Variants in OSBPL8 observed in about 807,000 individuals in gnomAD.
The protein encoded by OSBPL8 is oxysterol-binding protein-related protein 8.
OSBPL8 carries 59 observed loss-of-function variants against 125.5 expected under a neutral mutation model. The ratio of observed to expected loss-of-function variants is 0.47; its 90% CI spans 0.38 to 0.58. The LOEUF (loss-of-function observed/expected upper bound fraction) is 0.58. Among genes scored for constraint, OSBPL8 ranks in the 20% least tolerant of loss-of-function variants. The pLI is 0.00. For synonymous variants in OSBPL8, 330 were observed against 338.9 expected (o/e 0.97, Z 0.29); for missense variants, 758 against 1,047.8 (o/e 0.72, Z 3.82).
chr12:76,507,807 GAGCA>G (rs1176743261), intron 1 of OSBPL8, among the ~76,000 whole-genome samples: 1 of 151,494 alleles, frequency 6.6e-6, no homozygotes, highest in Non-Finnish European at 1.5e-5. Context: ...CTGGGCAACA[GAGCA>G]AGACTCAATC....
intron 2 of OSBPL8, among the ~76,000 whole-genome samples, chr12:76,462,318 A>C (rs1173358726): frequency 6.6e-6 from 1 of 152,184 alleles, no homozygotes; most frequent in African/African-American, 2.4e-5. Context: ...CAACTACTAA[A>C]TATTTGCTCC....
At chr12:76,521,745 C>G (rs563848265) in intron 1 of OSBPL8, among the ~76,000 whole-genome samples, 1 of 152,102 alleles carries the variant, frequency 6.6e-6, no homozygotes, top group South Asian at 2.1e-4. Context: ...CTACAATAGC[C>G]AAAATTGTAG....
rs562324822 is a variant in OSBPL8 at position 76,550,353 on chromosome 12, C to A, written c.-68+9044G>T. Among the ~76,000 whole-genome samples the A allele has an allele frequency of 2.0e-5, 3 of 152,264 alleles. No homozygotes were observed. The East Asian group carries it at 5.8e-4, about 29-fold the overall frequency. On this transcript the variant is annotated intron_variant, in intron 1 of 23. Coordinates refer to ENST00000261183, the MANE Select transcript of OSBPL8 (RefSeq NM_020841.5). ...CAGAAAAGGAATAATCATCTAAGCA[C>A]ATTATCTGGCTTAGCATTAAATAAT...
chr12:76,529,924 GC>G (rs1429294653), intron 1 of OSBPL8, among the ~76,000 whole-genome samples: 1 of 152,112 alleles, frequency 6.6e-6, no homozygotes, highest in Non-Finnish European at 1.5e-5. Flanking sequence ...TTTCACTATA[GC>G]CCCATTTTCA....
At chr12:76,530,297 A>G (rs1215904110) in intron 1 of OSBPL8, among the ~76,000 whole-genome samples, 1 of 147,818 alleles carries the variant, frequency 6.8e-6, no homozygotes, top group African/African-American at 2.5e-5. Flanking sequence ...GCCTCAAGCA[A>G]TCCTCCCTCC....
intron 21 of OSBPL8, 129 bp downstream of exon 21, chr12:76,369,085 A>T: frequency 8.2e-7 from 1 of 1,214,816 alleles, no homozygotes; most frequent in Middle Eastern, 3.1e-4. Context: ...TGGGGTAAGA[A>T]GAGTTCAGAG....
At chr12:76,367,066 C>T (rs185130779) in intron 21 of OSBPL8, among the ~76,000 whole-genome samples, 132 of 152,280 alleles carry the variant, frequency 8.7e-4, no homozygotes, top group African/African-American at 3.1e-3. Context: ...AGTTGGTTTA[C>T]AGTGTGGTTC....
At chr12:76,511,841 G>A (rs1881030386) in intron 1 of OSBPL8, among the ~76,000 whole-genome samples, 1 of 151,988 alleles carries the variant, frequency 6.6e-6, no homozygotes, top group Non-Finnish European at 1.5e-5. Flanking sequence ...CGTCTGCCAG[G>A]GTTTATAGTT....
At chr12:76,529,640 A>C (rs1950279177) in intron 1 of OSBPL8, among the ~76,000 whole-genome samples, 1 of 152,190 alleles carries the variant, frequency 6.6e-6, no homozygotes, top group Non-Finnish European at 1.5e-5. Context: ...AAAACTGAAG[A>C]AGCTAGTGGG....
intron 2 of OSBPL8, among the ~76,000 whole-genome samples, chr12:76,466,514 G>A (rs915455739): frequency 3.9e-5 from 6 of 152,164 alleles, no homozygotes; most frequent in South Asian, 2.1e-4. Flanking sequence ...ATTTTCTTGG[G>A]AGTGATTTAA....
At chr12:76,384,396 G>A in intron 14 of OSBPL8, 46 bp from the exon 15 acceptor site, 1 of 1,054,280 alleles carries the variant, frequency 9.5e-7, no homozygotes, top group Non-Finnish European at 1.3e-6. Context: ...ATAAAAACAT[G>A]TTTATATAAA....
At chr12:76,540,841 G>A (rs1253060057) in intron 1 of OSBPL8, among the ~76,000 whole-genome samples, 2 of 151,924 alleles carry the variant, frequency 1.3e-5, no homozygotes, top group African/African-American at 4.8e-5. Flanking sequence ...CATCAAATGT[G>A]GTCTTCCCTT....
intron 2 of OSBPL8, among the ~76,000 whole-genome samples, chr12:76,477,539 G>A (rs1876957207): frequency 6.6e-6 from 1 of 151,952 alleles, no homozygotes; most frequent in Non-Finnish European, 1.5e-5. Flanking sequence ...AACAGTCAAG[G>A]TTCATTCAAA....
At chr12:76,535,965 TG>T (rs1225966081) in intron 1 of OSBPL8, among the ~76,000 whole-genome samples, 1 of 149,016 alleles carries the variant, frequency 6.7e-6, no homozygotes, top group Non-Finnish European at 1.5e-5. Flanking sequence ...AGCAGTAACA[TG>T]GGTGTATACA....
chr12:76,460,777 T>C lies in OSBPL8; in HGVS notation c.43-882A>G, dbSNP rs144936489. On this transcript the variant is annotated intron_variant, in intron 2 of 23. Coordinates refer to ENST00000261183, the MANE Select transcript of OSBPL8 (RefSeq NM_020841.5). ...GTAGAAACAGAGTTCTCAGCTCTCCTTCATTTTAAATACCAAATGCAGTAA... is the reference window on the plus strand; with the variant it reads ...GTAGAAACAGAGTTCTCAGCTCTCCCTCATTTTAAATACCAAATGCAGTAA... 1.6e-3 allele frequency among the ~76,000 whole-genome samples: 245 copies of C among 152,330 alleles called. 1 individual carries two copies. The highest frequency in any genetic ancestry group is 2.6e-3 in the Non-Finnish European group (179 of 68,030).
At chr12:76,545,696 C>A (rs1010240514) in intron 1 of OSBPL8, among the ~76,000 whole-genome samples, 4 of 152,090 alleles carry the variant, frequency 2.6e-5, no homozygotes, top group Non-Finnish European at 5.9e-5. Context: ...ATTACCACAA[C>A]CAGAGGAGTC....
intron 8 of OSBPL8, among the ~76,000 whole-genome samples, chr12:76,397,037 A>C (rs1380990518): frequency 6.6e-6 from 1 of 151,480 alleles, no homozygotes; most frequent in Non-Finnish European, 1.5e-5. Flanking sequence ...CTGGTCTCGA[A>C]CTCCTGAGCT....
intron 3 of OSBPL8, among the ~76,000 whole-genome samples, chr12:76,458,529 A>C (rs1874333538): frequency 6.6e-6 from 1 of 151,938 alleles, no homozygotes; most frequent in Admixed American, 6.5e-5. Flanking sequence ...ATCTTTACAA[A>C]AAATTTCAAA....
At position 76,378,392 on chromosome 12, in the gene OSBPL8, C is replaced by T. The variant is rs534887105; in HGVS notation, c.1729+60G>A. 9.3e-5 allele frequency: 107 copies of T among 1,156,376 alleles called. No homozygotes were observed. In the East Asian group the frequency reaches 2.5e-3, roughly 28 times the overall value. The allele number at this position is 1,156,376 out of a possible 1,614,324, so 71.6% of individuals were successfully genotyped here. A position where few individuals can be genotyped will look rare whatever the true frequency, so the allele number is the denominator to read the frequency against. On this transcript the variant is annotated intron_variant, in intron 16 of 23. Transcript: ENST00000261183. ...AATCACAAAGCATAACAAATCACAG[C>T]TACATACATTTACTTAAAAGGAAAG...
Sources: gnomAD v4.1 joint callset for allele counts (sites outside exome capture counted in the v4.1 genomes callset) on GRCh38, gnomAD v4.1.1 for gene constraint, MANE v1.5 for transcripts, NCBI Gene and HGNC (gene_info 2026-07-23, HGNC 2026-07-21) for gene names.